The following PRH1 variants were observed in gnomAD, a reference collection of about 807,000 sequenced individuals.
The protein encoded by PRH1 is salivary acidic proline-rich phosphoprotein 1/2.
In PRH1, 7 loss-of-function variants were observed where a neutral mutation model predicts 7.9. The observed-to-expected ratio is 0.89, with a 90% CI of 0.50 to 1.67. PRH1 has a LOEUF of 1.67. PRH1 is among the 40% of genes most tolerant of loss of function. The probability of loss-of-function intolerance (pLI) is 0.00; values close to 1 mark genes in which losing one functional copy is unlikely to be tolerated. For synonymous variants in PRH1, 45 were observed against 80.8 expected, an observed-to-expected ratio of 0.56 and a Z score of 2.38; for missense variants, 109 against 223.6, an observed-to-expected ratio of 0.49 and a Z score of 3.27.
chr12:10,895,904 C>T (rs938214833), intron 2 of PRH1: 5 of 152,166 alleles, frequency 3.3e-5, no homozygotes, highest in African/African-American at 1.2e-4. Flanking sequence ...TGAATCTCTG[C>T]CTTCAATACA....
chr12:11,062,036 C>T, intron 1 of PRH1: 4 of 1,606,250 alleles, frequency 2.5e-6, no homozygotes, highest in South Asian at 1.1e-5. Flanking sequence ...ACTGCCCAGA[C>T]ATTGTAAGCA....
chr12:10,885,334 C>T (rs1042333225), upstream of PRH1, among the ~76,000 whole-genome samples: 2 of 152,130 alleles, frequency 1.3e-5, no homozygotes, highest in African/African-American at 4.8e-5. Flanking sequence ...TTTTCTCGCA[C>T]TTATTTGTTG....
At chr12:11,027,873 A>G (rs1591838927) in intron 1 of PRH1, among the ~76,000 whole-genome samples, 1 of 152,230 alleles carries the variant, frequency 6.6e-6, no homozygotes, top group Non-Finnish European at 1.5e-5. Flanking sequence ...CAAACAAAAT[A>G]GCAAGTGCAG....
intron 2 of PRH1, chr12:10,929,319 G>T (rs1288031009): frequency 1.2e-6 from 2 of 1,614,028 alleles, no homozygotes; most frequent in African/African-American, 1.3e-5. Flanking sequence ...CTTCAGCTCA[G>T]CTCAGGACTT....
chr12:11,025,965 A>C (rs796192359), intron 1 of PRH1, among the ~76,000 whole-genome samples: 2 of 66,268 alleles, frequency 3.0e-5, no homozygotes, highest in Admixed American at 1.6e-4. Context: ...TGACTTTTGG[A>C]GTTTTTAGTT....
chr12:11,171,607 G>C, upstream of PRH1: 13 of 1,193,408 alleles, frequency 1.1e-5, no homozygotes, highest in African/African-American at 1.6e-5. Flanking sequence ...CATGATGGCC[G>C]ACTCCCAGGG....
At chr12:11,036,637 T>G (rs187165152) in intron 1 of PRH1, among the ~76,000 whole-genome samples, 3 of 152,258 alleles carry the variant, frequency 2.0e-5, no homozygotes, top group African/African-American at 7.2e-5. Flanking sequence ...CCATAAATAA[T>G]TATTTGCATA....
At chr12:10,894,548 T>C (rs1380994901) in intron 2 of PRH1, among the ~76,000 whole-genome samples, 1 of 152,168 alleles carries the variant, frequency 6.6e-6, no homozygotes, top group Non-Finnish European at 1.5e-5. Context: ...TAAATCCCTA[T>C]GTGTTTGTAC....
rs149860270 is a variant in PRH1 at position 11,113,609 on chromosome 12, A to G, written n.123+57813T>C. ...AAATGTAATATCCAAAACCATAAAAACCCTAGAAGAAAACCTAGGCAATAC... is the reference window on the plus strand; with the variant it reads ...AAATGTAATATCCAAAACCATAAAAGCCCTAGAAGAAAACCTAGGCAATAC... On this transcript the variant is annotated intron_variant and non_coding_transcript_variant, in intron 1 of 4. Transcript: ENST00000541977. 3.9e-3 allele frequency among the ~76,000 whole-genome samples: 596 copies of G among 152,302 alleles called. 1 individual carries two copies. The highest frequency in any genetic ancestry group is 0.014 in the African/African-American group (566 of 41,554).
At chr12:11,050,259 C>CTATAGAT (rs1357431119), upstream of PRH1, among the ~76,000 whole-genome samples, 1 of 152,140 alleles carries the variant, frequency 6.6e-6, no homozygotes, top group Non-Finnish European at 1.5e-5. Context: ...AGCATTGTTT[C>CTATAGAT]TATAGATTAT....
chr12:11,017,571 G>A (rs1364050034), intron 1 of PRH1, among the ~76,000 whole-genome samples: 2 of 152,028 alleles, frequency 1.3e-5, no homozygotes, highest in Admixed American at 6.6e-5. Context: ...TGCAAACTTC[G>A]CCTCCTGGGT....
upstream of PRH1, among the ~76,000 whole-genome samples, chr12:10,886,853 G>T (rs527827332): frequency 6.6e-6 from 1 of 152,174 alleles, no homozygotes; most frequent in South Asian, 2.1e-4. Context: ...TCCCAAATAT[G>T]ACCACTTGCC....
chr12:11,073,963 G>A (rs990281119), intron 1 of PRH1, among the ~76,000 whole-genome samples: 5 of 145,968 alleles, frequency 3.4e-5, no homozygotes, highest in African/African-American at 1.0e-4. Flanking sequence ...ACAAGACTGC[G>A]TGCAACTACA....
chr12:11,157,967 T>C (rs947098124), intron 1 of PRH1, among the ~76,000 whole-genome samples: 1 of 152,190 alleles, frequency 6.6e-6, no homozygotes. Context: ...GGCCTTATCA[T>C]TCTTACACCA....
chr12:11,018,575 A>G (rs949630235), intron 1 of PRH1, among the ~76,000 whole-genome samples: 3 of 148,904 alleles, frequency 2.0e-5, no homozygotes, highest in Non-Finnish European at 4.5e-5. Context: ...ATTAACAAGA[A>G]CAAGGTCTGA....
chr12:10,939,188 C>T, intron 2 of PRH1: 1 of 1,577,192 alleles, frequency 6.3e-7, no homozygotes, highest in Non-Finnish European at 8.6e-7. Flanking sequence ...TGTAAATATG[C>T]TCTTTATGAC....
rs2598002 is a variant in PRH1, at chr12:11,062,189, A to C, written n.124-15001T>G. The C allele has an allele frequency of 9.0e-4, 1,444 of 1,609,394 alleles. 9 individuals are homozygous for C. The African/African-American group carries it at 0.016, about 18-fold the overall frequency. ...GCAAAAGAGATCTTTTGTCTCTTGA[A>C]CCACTCAATGGAATTTACCAATGCT... On this transcript the variant is annotated intron_variant and non_coding_transcript_variant, in intron 1 of 4. Transcript: ENST00000541977.
chr12:11,066,559 G>T, intron 1 of PRH1, among the ~76,000 whole-genome samples: 1 of 87,506 alleles, frequency 1.1e-5, no homozygotes, highest in Non-Finnish European at 2.8e-5. Flanking sequence ...TTCCCACAAT[G>T]ATGGTCTTTT....
At chr12:11,057,597 G>A (rs774864224) in intron 1 of PRH1, among the ~76,000 whole-genome samples, 9 of 152,226 alleles carry the variant, frequency 5.9e-5, no homozygotes, top group Non-Finnish European at 1.2e-4. Flanking sequence ...ACACTTGCAA[G>A]TTACAGGGGA....
Sources: allele counts gnomAD v4.1 joint callset (sites outside exome capture counted in the v4.1 genomes callset), GRCh38; gene constraint gnomAD v4.1.1; transcripts MANE v1.5; gene names NCBI Gene and HGNC (gene_info 2026-07-23, HGNC 2026-07-21).